Variants in PAPPA observed in about 807,000 individuals in gnomAD.
The protein encoded by PAPPA is pappalysin 1.
Under a neutral mutation model 164.0 loss-of-function variants are expected in PAPPA, and 60 were observed. That is an observed-to-expected ratio of 0.37 (90% CI 0.30 to 0.45). PAPPA has a LOEUF of 0.45. Ranked by LOEUF, PAPPA falls within the 20% of genes least tolerant of loss-of-function variation. PAPPA has a pLI of 1.00. For synonymous variants in PAPPA, 875 were observed against 814.1 expected, an observed-to-expected ratio of 1.07 and a Z score of -1.27; for missense variants, 1,782 against 2,087.3, an observed-to-expected ratio of 0.85 and a Z score of 2.85.
chr9:116,352,809 C>T lies in PAPPA; in HGVS notation c.4068C>T (p.Asp1356=), dbSNP rs1204564270. The stretch of plus-strand genomic sequence containing the variant: ...CTCCACCCCCTGTGCCCAATGCAGA[C>T]CTCCAGACCGCCCGGTGCCGAGAGA... ...CLAPPPVPNA[D]LQTARCRENK... is the part of the protein sequence containing the mutation. Residue 1356 remains aspartate, a synonymous_variant, in exon 16 of 22, where the codon GAC becomes GAT. Transcript: ENST00000328252. 3 of 1,613,888 alleles carry T rather than the reference C, an allele frequency of 1.9e-6. No homozygotes were observed. Among genetic ancestry groups the T allele is most frequent in the Admixed American group, 1.7e-5 (1 of 59,994 alleles).
intron 9 of PAPPA, among the ~76,000 whole-genome samples, chr9:116,289,098 A>G (rs1845381425): frequency 7.7e-6 from 1 of 130,430 alleles, no homozygotes; most frequent in Non-Finnish European, 1.6e-5. Flanking sequence ...GTTTTACTGG[A>G]TTGCAGAATA....
At chr9:116,352,511 C>T (rs1410034550) in intron 15 of PAPPA, among the ~76,000 whole-genome samples, 195 bp from the exon 16 acceptor site, 7 of 152,136 alleles carry the variant, frequency 4.6e-5, no homozygotes, top group African/African-American at 1.4e-4. Context: ...AATTCACTCC[C>T]CCCATTTAGA....
At chr9:116,263,623 A>C (rs1291741145) in intron 7 of PAPPA, among the ~76,000 whole-genome samples, 1 of 152,176 alleles carries the variant, frequency 6.6e-6, no homozygotes, top group African/African-American at 2.4e-5. Context: ...CTCATGCTTC[A>C]TCTGCAGATA....
chr9:116,312,080 C>T (rs1291626192), intron 10 of PAPPA, among the ~76,000 whole-genome samples: 1 of 152,142 alleles, frequency 6.6e-6, no homozygotes, highest in African/African-American at 2.4e-5. Flanking sequence ...ACCCTGCCAA[C>T]CCCTTCCATG....
intron 13 of PAPPA, among the ~76,000 whole-genome samples, chr9:116,342,856 G>C (rs1297380643): frequency 6.6e-6 from 1 of 152,136 alleles, no homozygotes; most frequent in African/African-American, 2.4e-5. Context: ...CTGCCCCCTA[G>C]AAGCTTTTAC....
chr9:116,345,309 G>A (rs1413693066), intron 14 of PAPPA, among the ~76,000 whole-genome samples: 1 of 152,012 alleles, frequency 6.6e-6, no homozygotes. Flanking sequence ...ATTCAAGGGA[G>A]GTGCCTTGGA....
At position 116,400,099 on chromosome 9, in the gene PAPPA, T is replaced by C. The variant is rs1336499949; in HGVS notation, c.*3483T>C. The C allele has an allele frequency of 6.6e-6, 1 of 152,548 alleles. No individual in the cohort carries two copies. The highest frequency in any genetic ancestry group is 1.9e-4 in the East Asian group (1 of 5,196). The allele number at this position is 152,548 out of a possible 1,614,324, so 9.4% of individuals were successfully genotyped here. A position where few individuals can be genotyped will look rare whatever the true frequency, so the allele number is the denominator to read the frequency against. The stretch of plus-strand genomic sequence containing the variant: ...TAACAGTTTTGAGGTTTTGTGTTTT[T>C]TTCTGGAACTACTTCAAGTGAGAAA... On this transcript the variant is annotated 3_prime_UTR_variant, in exon 22 of 22. Transcript: ENST00000328252.
intron 7 of PAPPA, among the ~76,000 whole-genome samples, chr9:116,240,556 G>A (rs757810553): frequency 1.6e-4 from 25 of 152,306 alleles, no homozygotes; most frequent in Admixed American, 1.0e-3. Context: ...TTTAGCATTT[G>A]AAGAGAAATG....
intron 1 of PAPPA, among the ~76,000 whole-genome samples, chr9:116,158,089 C>T (rs534275144): frequency 8.5e-5 from 13 of 152,280 alleles, no homozygotes; most frequent in Non-Finnish European, 1.5e-4. Context: ...ATTCGGAATT[C>T]CTGCTCAGAA....
chr9:116,325,884 GCTC>G (rs1469798767), intron 10 of PAPPA, among the ~76,000 whole-genome samples: 8 of 152,168 alleles, frequency 5.3e-5, no homozygotes, highest in Non-Finnish European at 1.5e-5. Flanking sequence ...TAAACGTGTT[GCTC>G]CTTATTGGCT....
At chr9:116,330,282 T>C (rs1359352807) in intron 10 of PAPPA, among the ~76,000 whole-genome samples, 1 of 152,172 alleles carries the variant, frequency 6.6e-6, no homozygotes, top group African/African-American at 2.4e-5. Context: ...AGCTCAGCTG[T>C]TCCTATCCTC....
chr9:116,395,330 T>A (rs573303871), intron 21 of PAPPA, among the ~76,000 whole-genome samples: 34 of 151,506 alleles, frequency 2.2e-4, no homozygotes, highest in African/African-American at 8.0e-4. Context: ...AAAGAAGAGG[T>A]AGACATTGAG....
intron 1 of PAPPA, among the ~76,000 whole-genome samples, chr9:116,167,987 G>C (rs913579972): frequency 1.3e-5 from 2 of 152,122 alleles, no homozygotes; most frequent in South Asian, 2.1e-4. Flanking sequence ...CAGTAAAATT[G>C]AAACTAAAAT....
At chr9:116,242,787 G>A (rs1844751025) in intron 7 of PAPPA, among the ~76,000 whole-genome samples, 1 of 152,224 alleles carries the variant, frequency 6.6e-6, no homozygotes, top group Admixed American at 6.5e-5. Flanking sequence ...CCCACTAGCA[G>A]TGTGTGCCAA....
intron 2 of PAPPA, among the ~76,000 whole-genome samples, chr9:116,196,210 A>G (rs1182185128): frequency 6.6e-6 from 1 of 152,214 alleles, no homozygotes; most frequent in Non-Finnish European, 1.5e-5. Flanking sequence ...AGTCAGGAAC[A>G]TGCCAGGATC....
chr9:116,219,294 A>G (rs905799952), intron 4 of PAPPA, among the ~76,000 whole-genome samples: 4 of 152,358 alleles, frequency 2.6e-5, no homozygotes, highest in East Asian at 3.9e-4. Context: ...TCTTGACTCC[A>G]TAACTAGACT....
At chr9:116,389,392 C>T (rs1055937313) in intron 21 of PAPPA, among the ~76,000 whole-genome samples, 3 of 152,110 alleles carry the variant, frequency 2.0e-5, no homozygotes, top group African/African-American at 7.2e-5. Context: ...TAAATCCAGT[C>T]AGATCATATC....
At chr9:116,388,665 G>C (rs1846848789) in intron 21 of PAPPA, among the ~76,000 whole-genome samples, 1 of 152,140 alleles carries the variant, frequency 6.6e-6, no homozygotes, top group African/African-American at 2.4e-5. Context: ...ACATAACAAG[G>C]CTTTCTAAAA....
chr9:116,375,335 T>G (rs560279934), intron 19 of PAPPA, among the ~76,000 whole-genome samples: 25 of 152,326 alleles, frequency 1.6e-4, no homozygotes, highest in Middle Eastern at 3.4e-3. Context: ...GATTGGAAGA[T>G]CATCAAGTTA....
Sources: allele counts gnomAD v4.1 joint callset (sites outside exome capture counted in the v4.1 genomes callset), GRCh38; gene constraint gnomAD v4.1.1; transcripts MANE v1.5; gene names NCBI Gene and HGNC (gene_info 2026-07-23, HGNC 2026-07-21).